Variants in TDRD1 observed in about 807,000 individuals in gnomAD.
TDRD1 encodes tudor domain-containing protein 1.
TDRD1 carries 37 observed loss-of-function variants against 140.6 expected under a neutral mutation model. The ratio of observed to expected loss-of-function variants is 0.26; its 90% CI spans 0.20 to 0.35. The LOEUF is 0.35. Among genes scored for constraint, TDRD1 ranks in the 10% least tolerant of loss-of-function variants. TDRD1 has a pLI of 1.00. For missense variants in TDRD1, 1,243 were observed against 1,393.0 expected, an observed-to-expected ratio of 0.89 and a Z score of 1.71; for synonymous variants, 506 against 475.7, an observed-to-expected ratio of 1.06 and a Z score of -0.83.
chr10:114,212,804 A>G (rs960145613), intron 14 of TDRD1, among the ~76,000 whole-genome samples: 5 of 152,192 alleles, frequency 3.3e-5, no homozygotes, highest in African/African-American at 9.7e-5. Context: ...CCTACCTACC[A>G]TAATGTTCAC....
Position 114,188,076 on chromosome 10 carries a change from A to T in TDRD1, c.245A>T (p.Asp82Val), listed in dbSNP as rs896248197. 7 of 1,613,946 alleles carry T rather than the reference A, an allele frequency of 4.3e-6. No individual in the cohort carries two copies. The African/African-American group carries it at 8.0e-5, about 18-fold the overall frequency. The change falls in exon 2 of 26, where the codon GAC becomes GTC. Residue 82 changes from aspartate to valine, a missense_variant. By Grantham distance (152) the Asp-to-Val change is radical (BLOSUM62 -3). Around this residue, in one of 5 missense-constraint regions of TDRD1, gnomAD observed 237 missense variants for 215.5 expected, o/e 1.10. Coordinates refer to ENST00000251864, the Ensembl canonical transcript of TDRD1. ...AAACAATATTTGGCTAGTCAGGAAG[A>T]CAATTCAGTTTCTTCAAACCCGAAT...
chr10:114,214,123 AT>A lies in TDRD1; in HGVS notation c.2212+11del. On this transcript the variant is annotated intron_variant, in intron 16 of 25. Coordinates refer to ENST00000251864, the Ensembl canonical transcript of TDRD1. The stretch of plus-strand genomic sequence containing the variant: ...TGTGCTTAAAGAGGATGGTAAGTTG[AT>A]TCTTGTCATTTGTTTCTTTTTACAA... The A allele has an allele frequency of 6.2e-7, 1 of 1,611,694 alleles. No individual in the cohort carries two copies. Among genetic ancestry groups the A allele is most frequent in the Non-Finnish European group, 8.5e-7 (1 of 1,178,220 alleles).
chr10:114,230,871 C>T (rs968718328), intron 25 of TDRD1, among the ~76,000 whole-genome samples: 3 of 152,032 alleles, frequency 2.0e-5, no homozygotes, highest in Admixed American at 2.0e-4. Context: ...TTGAGACCAT[C>T]CTGGCCAACA....
intron 8 of TDRD1, 64 bp downstream of exon 8, chr10:114,203,631 A>G (rs1045196393): frequency 7.0e-6 from 10 of 1,419,108 alleles, no homozygotes; most frequent in Non-Finnish European, 9.6e-6. Flanking sequence ...TGAACTGAAC[A>G]CCAGAGCTTT....
At chr10:114,231,468 A>T (rs778268724) in intron 25 of TDRD1, 6 of 1,590,484 alleles carry the variant, frequency 3.8e-6, no homozygotes, top group Non-Finnish European at 4.3e-6. Flanking sequence ...ATGATAGTTG[A>T]TTTTTTTTCT....
intron 3 of TDRD1, among the ~76,000 whole-genome samples, chr10:114,196,316 A>G (rs1371484315): frequency 6.6e-6 from 1 of 152,118 alleles, no homozygotes; most frequent in Non-Finnish European, 1.5e-5. Context: ...AACTTCCTTA[A>G]GCCATTCTTT....
intron 20 of TDRD1, 64 bp from the exon 21 acceptor site, chr10:114,222,523 T>C (rs1227320985): frequency 4.6e-6 from 4 of 868,324 alleles, no homozygotes; most frequent in African/African-American, 1.7e-5. Context: ...TGCCATTCTT[T>C]TGTATAGTGT....
intron 23 of TDRD1, 98 bp downstream of exon 23, chr10:114,227,397 A>G: frequency 2.3e-6 from 2 of 869,674 alleles, no homozygotes; most frequent in Non-Finnish European, 1.9e-6. Context: ...CCCATGCCAT[A>G]CTCTCTCCTC....
intron 3 of TDRD1, among the ~76,000 whole-genome samples, chr10:114,198,384 T>G (rs968318921): frequency 2.0e-5 from 3 of 152,122 alleles, no homozygotes; most frequent in Non-Finnish European, 4.4e-5. Flanking sequence ...TAGGGAGGGA[T>G]CTCATCCTCC....
intron 23 of TDRD1, 23 bp from the exon 24 acceptor site, chr10:114,227,887 G>C (rs780095638): frequency 3.6e-5 from 58 of 1,604,762 alleles, no homozygotes; most frequent in Non-Finnish European, 3.5e-5. Context: ...TTATCTAATG[G>C]CTTATTTTTC....
rs370687889 is a variant in TDRD1 at position 114,220,548 on chromosome 10, C to T, written c.2495-20C>T. The T allele has an allele frequency of 6.3e-7, 1 of 1,593,554 alleles. No homozygotes were observed. Among genetic ancestry groups the T allele is most frequent in the Non-Finnish European group, 8.6e-7 (1 of 1,163,442 alleles). The stretch of plus-strand genomic sequence containing the variant: ...AAACTTGTTCATAGGATTCTTTTTA[C>T]TGCTGTCCTTATTTTCTAGATATAC... On this transcript the variant is annotated intron_variant, in intron 18 of 25. Transcript: ENST00000251864.
At chr10:114,207,687 T>C (rs924847928) in intron 11 of TDRD1, among the ~76,000 whole-genome samples, 1 of 151,556 alleles carries the variant, frequency 6.6e-6, no homozygotes, top group African/African-American at 2.4e-5. Flanking sequence ...GCCTGCAACA[T>C]GGAGTGAGGA....
At chr10:114,227,981 A>G in intron 24 of TDRD1, 25 bp downstream of exon 24, 3 of 1,613,124 alleles carry the variant, frequency 1.9e-6, no homozygotes, top group Non-Finnish European at 2.5e-6. Flanking sequence ...CTTTAAGTGA[A>G]ATTATACTCC....
At chr10:114,178,442 G>T (rs991613644), upstream of TDRD1, among the ~76,000 whole-genome samples, 11 of 152,212 alleles carry the variant, frequency 7.2e-5, no homozygotes, top group Non-Finnish European at 2.9e-5. Flanking sequence ...TTGGGTGCGA[G>T]AGTAAGTCTA....
At chr10:114,192,012 C>T (rs986083380) in intron 3 of TDRD1, among the ~76,000 whole-genome samples, 1 of 151,566 alleles carries the variant, frequency 6.6e-6, no homozygotes, top group African/African-American at 2.4e-5. Context: ...GCCATCTGTG[C>T]ATCTTTGGTG....
At chr10:114,211,784 C>T in intron 13 of TDRD1, 82 bp from the exon 14 acceptor site, 1 of 1,296,534 alleles carries the variant, frequency 7.7e-7, no homozygotes, top group East Asian at 2.7e-5. Context: ...TATAAATGAC[C>T]ATCTCTAAGT....
At chr10:114,209,996 A>C (rs1373512147) in intron 11 of TDRD1, among the ~76,000 whole-genome samples, 2 of 151,916 alleles carry the variant, frequency 1.3e-5, no homozygotes, top group African/African-American at 4.8e-5. Context: ...TACTTTTTTC[A>C]TTTCTGTGAG....
At chr10:114,206,669 A>G (rs1409896369) in intron 11 of TDRD1, among the ~76,000 whole-genome samples, 9 of 145,716 alleles carry the variant, frequency 6.2e-5, no homozygotes, top group Admixed American at 3.6e-4. Flanking sequence ...GCTGGAGTGC[A>G]ATGGCATGGT....
exon 23 of TDRD1, chr10:114,227,259 A>G: frequency 6.2e-7 from 1 of 1,613,988 alleles, no homozygotes; most frequent in African/African-American, 1.3e-5. Flanking sequence ...TTGGTCTGGC[A>G]AAAAACATCA....
Sources: allele counts gnomAD v4.1 joint callset (sites outside exome capture counted in the v4.1 genomes callset), GRCh38; gene constraint gnomAD v4.1.1; regional missense constraint gnomAD v4.1.1; transcripts MANE v1.5; gene names NCBI Gene and HGNC (gene_info 2026-07-23, HGNC 2026-07-21).